Variants in SIPA1L2 observed in about 807,000 individuals in gnomAD.
SIPA1L2 encodes the protein signal induced proliferation associated 1 like 2.
A neutral mutation model predicts 163.9 loss-of-function variants in SIPA1L2; 56 were observed. The ratio of observed to expected loss-of-function variants is 0.34; its 90% confidence interval spans 0.28 to 0.43. The LOEUF (loss-of-function observed/expected upper bound fraction) is 0.43. SIPA1L2 is among the 20% of genes least tolerant of loss of function. The pLI is 1.00. For missense variants in SIPA1L2, 1,974 were observed against 2,193.5 expected (o/e 0.90, Z 2.00); for synonymous variants, 877 against 865.7 (o/e 1.01, Z -0.23).
At chr1:232,604,039 A>C (rs1446499048) in intron 1 of SIPA1L2, among the ~76,000 whole-genome samples, 1 of 152,084 alleles carries the variant, frequency 6.6e-6, no homozygotes, top group African/African-American at 2.4e-5. Flanking sequence ...TTTCAAACAA[A>C]TCAACCTGAT....
At chr1:232,491,604 TTG>T (rs1335289058) in intron 4 of SIPA1L2, among the ~76,000 whole-genome samples, 3 of 152,164 alleles carry the variant, frequency 2.0e-5, no homozygotes, top group African/African-American at 7.2e-5. Context: ...CCACTAAATT[TTG>T]TCTCATGACT....
Position 232,465,456 on chromosome 1 carries a change from G to GAT in SIPA1L2, c.2244-42_2244-41dup, listed in dbSNP as rs1425465853. On this transcript the variant is annotated intron_variant, in intron 8 of 22. Coordinates refer to ENST00000674635, the MANE Select transcript of SIPA1L2 (RefSeq NM_020808.5). The surrounding 1 kb of genome is among the most constrained non-coding windows in gnomAD (Gnocchi z 4.1). ...ACAGAAACAAAATGAGATGAGCTAT[G>GAT]ATACCATAATATGTATCTTTCCGAA... 6.5e-7 allele frequency: 1 copy of GAT among 1,538,338 alleles called. No homozygotes were observed. The highest frequency in any genetic ancestry group is 8.8e-7 in the Non-Finnish European group (1 of 1,132,564).
intron 18 of SIPA1L2, among the ~76,000 whole-genome samples, chr1:232,425,338 T>C (rs1356648445): frequency 1.3e-5 from 2 of 152,188 alleles, no homozygotes; most frequent in African/African-American, 4.8e-5. Context: ...GAAGTCACTA[T>C]TGGACTTGAC....
chr1:232,555,405 T>A (rs1309900298), intron 2 of SIPA1L2, among the ~76,000 whole-genome samples: 1 of 151,766 alleles, frequency 6.6e-6, no homozygotes, highest in Non-Finnish European at 1.5e-5. Flanking sequence ...CCAGCTGGAG[T>A]GAGGAGTCAG....
intron 2 of SIPA1L2, among the ~76,000 whole-genome samples, chr1:232,536,183 TA>T (rs1384347450): frequency 1.3e-5 from 2 of 152,218 alleles, no homozygotes; most frequent in Admixed American, 6.5e-5. Context: ...CTATGTTATC[TA>T]AAAGTCAGGT....
chr1:232,487,086 T>A (rs1665680280), intron 5 of SIPA1L2, among the ~76,000 whole-genome samples: 1 of 152,224 alleles, frequency 6.6e-6, no homozygotes, highest in Admixed American at 6.5e-5. Context: ...ACTAAAAATA[T>A]CCACTTGTCA....
At chr1:232,606,293 G>T (rs1323293489) in intron 1 of SIPA1L2, among the ~76,000 whole-genome samples, 3 of 152,120 alleles carry the variant, frequency 2.0e-5, no homozygotes, top group Admixed American at 2.0e-4. Context: ...AAAGAGGAAT[G>T]AACTTTTTTT....
At chr1:232,569,212 T>C (rs1373822594) in intron 2 of SIPA1L2, among the ~76,000 whole-genome samples, 1 of 152,240 alleles carries the variant, frequency 6.6e-6, no homozygotes, top group Non-Finnish European at 1.5e-5. Flanking sequence ...TGGAAAGTGT[T>C]TGTGTTTACC....
At chr1:232,502,650 A>G (rs1432804426) in intron 3 of SIPA1L2, among the ~76,000 whole-genome samples, 1 of 152,028 alleles carries the variant, frequency 6.6e-6, no homozygotes, top group Non-Finnish European at 1.5e-5. Flanking sequence ...ACAGACATCC[A>G]CTTTCTTATT....
At chr1:232,590,164 A>G (rs1239029570) in intron 1 of SIPA1L2, among the ~76,000 whole-genome samples, 1 of 152,148 alleles carries the variant, frequency 6.6e-6, no homozygotes, top group African/African-American at 2.4e-5. Context: ...GGAGCACATC[A>G]TGGAACAGAC....
intron 1 of SIPA1L2, among the ~76,000 whole-genome samples, chr1:232,605,609 G>A (rs540733873): frequency 7.9e-5 from 12 of 152,224 alleles, no homozygotes; most frequent in African/African-American, 2.2e-4. Context: ...CAGGAGAATC[G>A]CTTGAACCTG....
At chr1:232,435,940 T>C (rs1662534566) in intron 15 of SIPA1L2, among the ~76,000 whole-genome samples, 1 of 152,140 alleles carries the variant, frequency 6.6e-6, no homozygotes, top group Non-Finnish European at 1.5e-5. Context: ...TCTGTACTTA[T>C]TTAACTCCCG....
rs1553292275 is a variant in SIPA1L2 at position 232,464,847 on chromosome 1, C to T, written c.2813G>A (p.Arg938Gln). ...CAEDIREIVQ[R>Q]LVIVTRGCET... ...TAGAAAACATGTACTTACTACTAAT[C>T]GCTGAACAATTTCCCTGATGTCTTC... is the stretch of plus-strand genomic sequence containing the variant. Residue 938 changes from arginine (R) to glutamine (Q), a missense_variant, in exon 9 of 23, where the codon CGA (arginine) becomes CAA (glutamine). By Grantham distance (43) the Arg-to-Gln change is conservative. Around this residue, in one of 3 missense-constraint regions of SIPA1L2, gnomAD observed 1,079 missense variants for 1,150.7 expected, o/e 0.94. Transcript: ENST00000674635. The T allele has an allele frequency of 6.3e-7, 1 of 1,596,578 alleles. No homozygotes were observed. The highest frequency in any genetic ancestry group is 8.5e-7 in the Non-Finnish European group (1 of 1,171,842).
At chr1:232,460,831 C>T (rs974261086) in intron 10 of SIPA1L2, 56 bp downstream of exon 10, 2 of 1,573,580 alleles carry the variant, frequency 1.3e-6, no homozygotes, top group African/African-American at 2.7e-5. Flanking sequence ...TGAGGACAGC[C>T]ACCTGCTACA....
rs945784465 is a variant in SIPA1L2, at chr1:232,465,946, G to A, written c.2244-530C>T. On this transcript the variant is annotated intron_variant, in intron 8 of 22. Transcript: ENST00000674635. The surrounding 1 kb of genome is among the most constrained non-coding windows in gnomAD (Gnocchi z 4.1). The stretch of plus-strand genomic sequence containing the variant: ...CATAAGCCAAGGGGAGAGGTCTCAG[G>A]AGAAACCAATCCTTGCTGACACCTT... 3.3e-5 allele frequency among the ~76,000 whole-genome samples: 5 copies of A among 151,888 alleles called. No homozygotes were observed. Among genetic ancestry groups the A allele is most frequent in the Admixed American group, 1.3e-4 (2 of 15,256 alleles).
chr1:232,551,770 T>C (rs1310829788), intron 2 of SIPA1L2, among the ~76,000 whole-genome samples: 1 of 152,244 alleles, frequency 6.6e-6, no homozygotes, highest in Non-Finnish European at 1.5e-5. Flanking sequence ...GTTTAGCTGA[T>C]GAGTTGAGCC....
intron 2 of SIPA1L2, among the ~76,000 whole-genome samples, chr1:232,526,977 C>A (rs560305809): frequency 3.3e-5 from 5 of 152,174 alleles, no homozygotes; most frequent in African/African-American, 9.7e-5. Flanking sequence ...GGGGGCCTGA[C>A]AGAATAAAGA....
chr1:232,571,372 A>AT (rs1267591925), intron 2 of SIPA1L2, among the ~76,000 whole-genome samples: 1 of 152,212 alleles, frequency 6.6e-6, no homozygotes, highest in African/African-American at 2.4e-5. Context: ...GAATAATTCA[A>AT]TTTTTTTAAG....
At chr1:232,462,630 T>G (rs1664300093) in intron 9 of SIPA1L2, among the ~76,000 whole-genome samples, 1 of 152,256 alleles carries the variant, frequency 6.6e-6, no homozygotes. Flanking sequence ...TAACTAAAAC[T>G]TGAAGAAGTA....
Sources: gnomAD v4.1 joint callset for allele counts (sites outside exome capture counted in the v4.1 genomes callset) on GRCh38, gnomAD v4.1.1 for gene constraint, gnomAD v4.1.1 regional missense constraint, Gnocchi (gnomAD v3.1) non-coding constraint, MANE v1.5 for transcripts, NCBI Gene and HGNC (gene_info 2026-07-23, HGNC 2026-07-21) for gene names.